The following SGCZ variants were observed in gnomAD, a reference collection of about 807,000 sequenced individuals.
SGCZ encodes the protein zeta-sarcoglycan.
SGCZ carries 40 observed loss-of-function variants against 41.3 expected under a neutral mutation model. That is an observed-to-expected ratio of 0.97 (90% confidence interval 0.75 to 1.26). The LOEUF is 1.26. Ranked by LOEUF, SGCZ falls within the 50% of genes most tolerant of loss-of-function variation. The pLI is 0.00. For missense variants in SGCZ, 552 were observed against 369.8 expected (o/e 1.49, Z -4.04); for synonymous variants, 206 against 137.5 (o/e 1.50, Z -3.49).
chr8:14,219,160 G>T (rs558177535), intron 4 of SGCZ, among the ~76,000 whole-genome samples: 1 of 152,158 alleles, frequency 6.6e-6, no homozygotes, highest in Non-Finnish European at 1.5e-5. Flanking sequence ...GTGGATTTTT[G>T]ATGACAACCA....
chr8:14,479,552 A>G (rs1801463674), intron 2 of SGCZ, among the ~76,000 whole-genome samples: 1 of 152,046 alleles, frequency 6.6e-6, no homozygotes, highest in African/African-American at 2.4e-5. Flanking sequence ...AGTATTAACC[A>G]TCACACCTGT....
At chr8:14,783,147 T>C (rs970512713) in intron 1 of SGCZ, among the ~76,000 whole-genome samples, 1 of 151,918 alleles carries the variant, frequency 6.6e-6, no homozygotes, top group Non-Finnish European at 1.5e-5. Flanking sequence ...AAAGTAAAAG[T>C]ATATGGCCGG....
Position 14,784,987 on chromosome 8 carries a change from A to ATT in SGCZ, c.40-230063_40-230062dup, listed in dbSNP as rs1164567052. On this transcript the variant is annotated intron_variant, in intron 1 of 7. Transcript: ENST00000382080. ...TATATAATATATATATTTTTTATATATTATATATATATAGCTTTATTTAGA... is the reference window on the plus strand; with the variant it reads ...TATATAATATATATATTTTTTATATATTTTATATATATATAGCTTTATTTAGA... Among the ~76,000 whole-genome samples, 13 of 141,244 alleles carry ATT rather than the reference A, an allele frequency of 9.2e-5. No homozygotes were observed. In the East Asian group the frequency reaches 2.2e-3, roughly 24 times the overall value. 92.7% of individuals were successfully genotyped at this position (141,244 alleles called of 152,430 possible). A position where few individuals can be genotyped will look rare whatever the true frequency, so the allele number is the denominator to read the frequency against.
chr8:14,903,945 T>C (rs1196995469), intron 1 of SGCZ, among the ~76,000 whole-genome samples: 3 of 152,054 alleles, frequency 2.0e-5, no homozygotes, highest in Non-Finnish European at 4.4e-5. Flanking sequence ...CTCAAGATAC[T>C]TCTTTTCTCA....
rs185161222 is a variant in SGCZ at position 15,036,164 on chromosome 8, C to G, written c.39+201421G>C. On this transcript the variant is annotated intron_variant, in intron 1 of 7. Coordinates refer to ENST00000382080, the MANE Select transcript of SGCZ (RefSeq NM_139167.4). ...AAAAGGAGATGTTACACTAATACTA[C>G]AGAAATAAAGTAGATCATAAAAGTC... 5.6e-3 allele frequency among the ~76,000 whole-genome samples: 849 copies of G among 151,972 alleles called. 11 individuals carry two copies. Among genetic ancestry groups the G allele is most frequent in the African/African-American group, 0.02 (816 of 41,480 alleles).
At chr8:15,177,570 A>G (rs1800037282) in intron 1 of SGCZ, among the ~76,000 whole-genome samples, 1 of 152,232 alleles carries the variant, frequency 6.6e-6, no homozygotes, top group African/African-American at 2.4e-5. Flanking sequence ...GAAATTTGCA[A>G]AATGTTGATA....
intron 1 of SGCZ, among the ~76,000 whole-genome samples, chr8:15,223,685 A>G (rs1237329009): frequency 1.3e-5 from 2 of 152,150 alleles, no homozygotes; most frequent in Non-Finnish European, 2.9e-5. Flanking sequence ...ACATTAGTAG[A>G]TATATAAAAC....
At chr8:14,890,218 AAAAG>A (rs59779079) in intron 1 of SGCZ, among the ~76,000 whole-genome samples, 18 of 151,454 alleles carry the variant, frequency 1.2e-4, no homozygotes, top group Admixed American at 4.6e-4. Flanking sequence ...CTCCATCAAA[AAAAG>A]AAAGAAAGAA....
At chr8:14,570,834 T>C (rs1804528641) in intron 1 of SGCZ, among the ~76,000 whole-genome samples, 1 of 152,188 alleles carries the variant, frequency 6.6e-6, no homozygotes, top group African/African-American at 2.4e-5. Flanking sequence ...TTTATTCCAG[T>C]ATTGTGCAAT....
chr8:14,392,926 T>C lies in SGCZ; in HGVS notation c.235-68722A>G, dbSNP rs1001935875. ...GAGTTTATATTTTTACCCTTTTAAATAGAAAACTGTTAGCTTACTTTTTAT... is the reference window on the plus strand; with the variant it reads ...GAGTTTATATTTTTACCCTTTTAAACAGAAAACTGTTAGCTTACTTTTTAT... On this transcript the variant is annotated intron_variant, in intron 2 of 7. Transcript: ENST00000382080. 5.9e-5 allele frequency among the ~76,000 whole-genome samples: 9 copies of C among 152,270 alleles called. No homozygotes were observed. The South Asian group carries it at 1.9e-3, about 32-fold the overall frequency.
At chr8:14,756,590 C>T (rs1799676075) in intron 1 of SGCZ, among the ~76,000 whole-genome samples, 1 of 152,156 alleles carries the variant, frequency 6.6e-6, no homozygotes. Context: ...TTTCTATCTC[C>T]TGCAAAAGAA....
chr8:14,760,005 T>G (rs1217656391), intron 1 of SGCZ, among the ~76,000 whole-genome samples: 1 of 152,194 alleles, frequency 6.6e-6, no homozygotes, highest in African/African-American at 2.4e-5. Context: ...GAGTGGTGTT[T>G]TAAAAGTTAA....
intron 1 of SGCZ, among the ~76,000 whole-genome samples, chr8:15,187,331 G>A (rs989783357): frequency 6.6e-6 from 1 of 151,986 alleles, no homozygotes; most frequent in South Asian, 2.1e-4. Flanking sequence ...TTTAAGAATT[G>A]GTGCTTTTCC....
intron 1 of SGCZ, among the ~76,000 whole-genome samples, chr8:14,770,760 G>A (rs539865631): frequency 6.6e-6 from 1 of 152,004 alleles, no homozygotes; most frequent in Non-Finnish European, 1.5e-5. Flanking sequence ...ATAACCCTGT[G>A]ATTGAGACAA....
intron 1 of SGCZ, among the ~76,000 whole-genome samples, chr8:15,204,227 T>C (rs1800988959): frequency 6.6e-6 from 1 of 152,094 alleles, no homozygotes; most frequent in Non-Finnish European, 1.5e-5. Context: ...TTATATAGAG[T>C]TGGAGCCACC....
chr8:14,818,731 A>C (rs2130560916), intron 1 of SGCZ, among the ~76,000 whole-genome samples: 1 of 152,266 alleles, frequency 6.6e-6, no homozygotes, highest in South Asian at 2.1e-4. Flanking sequence ...AACAAAGAGA[A>C]AGATGTAATT....
rs867508044 is a variant in SGCZ at position 14,807,616 on chromosome 8, G to C, written c.40-252690C>G. On this transcript the variant is annotated intron_variant, in intron 1 of 7. Transcript: ENST00000382080. ...AAATGGAAGAACATTCCATGCTCAA[G>C]GGTAGGAAGAATCAATATCGTGAAA... Among the ~76,000 whole-genome samples, 38 of 151,912 alleles carry C rather than the reference G, an allele frequency of 2.5e-4. No individual in the cohort carries two copies. The Middle Eastern group carries it at 0.014, about 54-fold the overall frequency.
At chr8:14,969,179 A>C (rs1016463260) in intron 1 of SGCZ, among the ~76,000 whole-genome samples, 1 of 152,104 alleles carries the variant, frequency 6.6e-6, no homozygotes, top group Non-Finnish European at 1.5e-5. Context: ...TTTTGGGCTT[A>C]AAATCCAATA....
intron 1 of SGCZ, among the ~76,000 whole-genome samples, chr8:15,087,618 G>C (rs1444593648): frequency 6.6e-6 from 1 of 152,088 alleles, no homozygotes; most frequent in Non-Finnish European, 1.5e-5. Context: ...GTACTAAAGA[G>C]CTTGTCGAAA....
Sources: gnomAD v4.1 joint callset for allele counts (sites outside exome capture counted in the v4.1 genomes callset) on GRCh38, gnomAD v4.1.1 for gene constraint, MANE v1.5 for transcripts, NCBI Gene and HGNC (gene_info 2026-07-23, HGNC 2026-07-21) for gene names.